TBCA: variants seen among roughly 807,000 people sequenced by gnomAD.
The protein encoded by TBCA is tubulin-specific chaperone A.
Under a neutral mutation model 15.8 loss-of-function variants are expected in TBCA, and 6 were observed. The observed-to-expected ratio is 0.38, with a 90% confidence interval of 0.21 to 0.75. The LOEUF is 0.75. TBCA is among the 30% of genes least tolerant of loss of function. TBCA has a pLI of 0.46. For synonymous variants in TBCA, 32 were observed against 42.3 expected, an observed-to-expected ratio of 0.76 and a Z score of 0.94; for missense variants, 90 against 131.2, an observed-to-expected ratio of 0.69 and a Z score of 1.53.
chr5:77,764,166 C>T (rs959009229), intron 1 of TBCA, among the ~76,000 whole-genome samples: 6 of 152,014 alleles, frequency 3.9e-5, no homozygotes, highest in African/African-American at 1.2e-4. Flanking sequence ...GTAAATGACA[C>T]GTTTTAGCAA....
chr5:77,758,386 T>C (rs1747526471), intron 1 of TBCA, among the ~76,000 whole-genome samples: 1 of 152,148 alleles, frequency 6.6e-6, no homozygotes, highest in Non-Finnish European at 1.5e-5. Context: ...AAACTCCCTG[T>C]TCTGTTCTGT....
At chr5:77,732,646 C>T (rs1359504340) in intron 1 of TBCA, among the ~76,000 whole-genome samples, 3 of 151,664 alleles carry the variant, frequency 2.0e-5, no homozygotes, top group Non-Finnish European at 1.5e-5. Context: ...CATGTGCTCA[C>T]TCTGTGTCTC....
chr5:77,760,484 G>A (rs1460919072), intron 1 of TBCA, among the ~76,000 whole-genome samples: 3 of 150,974 alleles, frequency 2.0e-5, no homozygotes, highest in Non-Finnish European at 4.4e-5. Context: ...CTGTACTGCC[G>A]TGATCTCGGC....
intron 2 of TBCA, among the ~76,000 whole-genome samples, chr5:77,703,443 A>T (rs1431935822): frequency 1.3e-5 from 2 of 152,236 alleles, no homozygotes; most frequent in Non-Finnish European, 2.9e-5. Context: ...GCTAAAATCA[A>T]TTTGGGCAAT....
At chr5:77,769,662 GCTTT>G (rs1453949504) in intron 1 of TBCA, among the ~76,000 whole-genome samples, 1 of 148,312 alleles carries the variant, frequency 6.7e-6, no homozygotes, top group East Asian at 1.9e-4. Flanking sequence ...AACAATGCTT[GCTTT>G]ATTAAAAAAA....
intron 1 of TBCA, among the ~76,000 whole-genome samples, chr5:77,748,592 AATG>A (rs1747242232): frequency 6.6e-6 from 1 of 152,026 alleles, no homozygotes; most frequent in South Asian, 2.1e-4. Context: ...TAAAATTTAC[AATG>A]ATGTAGAAAG....
At chr5:77,762,110 T>C (rs1416229792) in intron 1 of TBCA, among the ~76,000 whole-genome samples, 1 of 152,142 alleles carries the variant, frequency 6.6e-6, no homozygotes, top group East Asian at 1.9e-4. Flanking sequence ...GGAAGGACAG[T>C]AGATACTGGA....
At chr5:77,756,709 T>A (rs1561282310) in intron 1 of TBCA, among the ~76,000 whole-genome samples, 1 of 151,668 alleles carries the variant, frequency 6.6e-6, no homozygotes. Context: ...TCATCCACCA[T>A]TACACACACC....
intron 1 of TBCA, among the ~76,000 whole-genome samples, chr5:77,722,563 C>G (rs2662378): frequency 0.49 from 74,502 of 151,734 alleles, 18,458 homozygotes; most frequent in South Asian, 0.53. Context: ...TTCACATAAT[C>G]ACAGCTTTTG....
chr5:77,766,074 C>T (rs1240745670), intron 1 of TBCA, among the ~76,000 whole-genome samples: 1 of 152,130 alleles, frequency 6.6e-6, no homozygotes, highest in Admixed American at 6.6e-5. Flanking sequence ...TGAAATACCA[C>T]CTACTCCCCA....
At chr5:77,697,507 A>G (rs79641941) in intron 2 of TBCA, among the ~76,000 whole-genome samples, 2,524 of 152,178 alleles carry the variant, frequency 0.017, 69 homozygotes, top group African/African-American at 0.057. Context: ...AAATTAAACA[A>G]CATACTTTAA....
chr5:77,694,197 A>C (rs1462428401), intron 2 of TBCA: 2 of 152,190 alleles, frequency 1.3e-5, no homozygotes, highest in Non-Finnish European at 2.9e-5. Context: ...AAAAGCAAAG[A>C]CCAGCAGGTT....
At chr5:77,700,030 C>CAAAAAAA (rs67790719) in intron 2 of TBCA, among the ~76,000 whole-genome samples, 3 of 86,090 alleles carry the variant, frequency 3.5e-5, no homozygotes, top group African/African-American at 4.8e-5. Flanking sequence ...GGCTCTGACT[C>CAAAAAAA]AAAAAAAAAA....
At chr5:77,717,851 C>G (rs554383754) in intron 1 of TBCA, among the ~76,000 whole-genome samples, 2 of 151,326 alleles carry the variant, frequency 1.3e-5, no homozygotes, top group African/African-American at 4.9e-5. Flanking sequence ...AAAAAAAGGC[C>G]GGGGGCAGTG....
At chr5:77,698,139 T>TA (rs1332600421) in intron 2 of TBCA, among the ~76,000 whole-genome samples, 1 of 130,508 alleles carries the variant, frequency 7.7e-6, no homozygotes, top group East Asian at 2.1e-4. Flanking sequence ...GTAATAAAAT[T>TA]AAAAAACCAA....
At position 77,711,630 on chromosome 5, in the gene TBCA, A is replaced by G. The variant is rs142366643; in HGVS notation, c.54-3283T>C. Reference sequence around the variant, plus strand: ...TATAAAACAATTCTGAAGCAGAAAAAAAGTGATTCACAAAAATTGAGCAAT... The same window carrying G: ...TATAAAACAATTCTGAAGCAGAAAAGAAGTGATTCACAAAAATTGAGCAAT... On this transcript the variant is annotated intron_variant, in intron 1 of 3. Transcript: ENST00000380377. Among the ~76,000 whole-genome samples, 286 of 152,342 alleles carry G rather than the reference A, an allele frequency of 1.9e-3. 1 individual carries two copies. Among genetic ancestry groups the G allele is most frequent in the African/African-American group, 6.7e-3 (279 of 41,580 alleles).
chr5:77,706,935 A>G (rs1746164317), intron 2 of TBCA, among the ~76,000 whole-genome samples: 1 of 152,132 alleles, frequency 6.6e-6, no homozygotes, highest in Non-Finnish European at 1.5e-5. Flanking sequence ...TTTTGACCTG[A>G]GTATCTGGAT....
intron 1 of TBCA, among the ~76,000 whole-genome samples, chr5:77,744,192 A>G (rs1023950386): frequency 6.6e-6 from 1 of 152,154 alleles, no homozygotes. Flanking sequence ...GATCCCACTC[A>G]AATGTCACCT....
At chr5:77,750,812 G>A (rs565713061) in intron 1 of TBCA, among the ~76,000 whole-genome samples, 2 of 152,302 alleles carry the variant, frequency 1.3e-5, no homozygotes, top group South Asian at 4.1e-4. Context: ...GTTTTAGGGA[G>A]ACATAATACA....
Sources: allele counts gnomAD v4.1 joint callset (sites outside exome capture counted in the v4.1 genomes callset), GRCh38; gene constraint gnomAD v4.1.1; transcripts MANE v1.5; gene names NCBI Gene and HGNC (gene_info 2026-07-23, HGNC 2026-07-21).